Variants in CSMD1 observed in about 807,000 individuals in gnomAD.
The protein encoded by CSMD1 is CUB and Sushi multiple domains 1.
Under a neutral mutation model 417.5 loss-of-function variants are expected in CSMD1, and 213 were observed. The ratio of observed to expected loss-of-function variants is 0.51; its 90% CI spans 0.46 to 0.57. The LOEUF (loss-of-function observed/expected upper bound fraction) is 0.57. Ranked by LOEUF, CSMD1 falls within the 20% of genes least tolerant of loss-of-function variation. The probability of loss-of-function intolerance (pLI) is 0.00; values close to 1 mark genes in which losing one functional copy is unlikely to be tolerated. For missense variants in CSMD1, 6,923 were observed against 4,529.7 expected, an observed-to-expected ratio of 1.53 and a Z score of -15.17; for synonymous variants, 2,862 against 1,736.8, an observed-to-expected ratio of 1.65 and a Z score of -16.11.
intron 1 of CSMD1, among the ~76,000 whole-genome samples, chr8:4,873,850 T>C (rs1802879425): frequency 6.6e-6 from 1 of 152,062 alleles, no homozygotes; most frequent in African/African-American, 2.4e-5. Flanking sequence ...TATATAAAGG[T>C]GATTAGATGA....
chr8:4,927,698 G>C (rs141620865), intron 1 of CSMD1, among the ~76,000 whole-genome samples: 1 of 152,190 alleles, frequency 6.6e-6, no homozygotes, highest in Non-Finnish European at 1.5e-5. Context: ...GGCTAAGGGA[G>C]TAGATATGTC....
At chr8:3,333,069 C>A (rs1311273637) in intron 23 of CSMD1, among the ~76,000 whole-genome samples, 2 of 152,206 alleles carry the variant, frequency 1.3e-5, no homozygotes, top group Non-Finnish European at 2.9e-5. Context: ...GAGAAGACCA[C>A]AGCCACGTGG....
chr8:4,035,300 T>C (rs1018141912), intron 3 of CSMD1, among the ~76,000 whole-genome samples: 3 of 152,206 alleles, frequency 2.0e-5, no homozygotes, highest in South Asian at 2.1e-4. Flanking sequence ...GTTCACTGCA[T>C]ATGCTTGATG....
At chr8:3,749,141 G>A (rs1043935058) in intron 6 of CSMD1, among the ~76,000 whole-genome samples, 18 of 152,198 alleles carry the variant, frequency 1.2e-4, no homozygotes, top group African/African-American at 3.6e-4. Context: ...CACTGAAAAC[G>A]TCTAGATGAT....
intron 5 of CSMD1, among the ~76,000 whole-genome samples, chr8:3,780,204 T>A (rs1031296991): frequency 6.6e-6 from 1 of 152,192 alleles, no homozygotes; most frequent in African/African-American, 2.4e-5. Flanking sequence ...ATCCTTTATC[T>A]CCCTCTGTAA....
At chr8:3,510,012 T>G (rs561449888) in intron 10 of CSMD1, among the ~76,000 whole-genome samples, 66 of 152,330 alleles carry the variant, frequency 4.3e-4, no homozygotes, top group Non-Finnish European at 9.1e-4. Context: ...AATTGACGTA[T>G]ACAAGTCGCG....
chr8:3,505,332 A>G (rs1053251412), intron 10 of CSMD1, among the ~76,000 whole-genome samples: 1 of 152,238 alleles, frequency 6.6e-6, no homozygotes, highest in African/African-American at 2.4e-5. Flanking sequence ...TGAAGGAGCA[A>G]AAGATGAAAA....
intron 1 of CSMD1, among the ~76,000 whole-genome samples, chr8:4,836,905 T>C (rs1025516289): frequency 6.6e-6 from 1 of 152,118 alleles, no homozygotes; most frequent in Non-Finnish European, 1.5e-5. Flanking sequence ...GAGGCTATGG[T>C]TGCTGCTGTG....
At chr8:3,648,281 T>C (rs925478419) in intron 7 of CSMD1, among the ~76,000 whole-genome samples, 1 of 152,262 alleles carries the variant, frequency 6.6e-6, no homozygotes, top group Non-Finnish European at 1.5e-5. Flanking sequence ...TCTAGAGTAA[T>C]ATATTTCAAA....
chr8:4,303,258 A>T (rs1487369106), intron 3 of CSMD1, among the ~76,000 whole-genome samples: 1 of 152,152 alleles, frequency 6.6e-6, no homozygotes, highest in Non-Finnish European at 1.5e-5. Context: ...CTCTCATGAA[A>T]TATAAAAGAA....
chr8:3,758,411 C>G (rs575436875), intron 5 of CSMD1, among the ~76,000 whole-genome samples: 1 of 152,162 alleles, frequency 6.6e-6, no homozygotes, highest in Non-Finnish European at 1.5e-5. Context: ...TTGCGTTAAA[C>G]AAATGTTCAT....
At chr8:3,500,146 G>A (rs1219793117) in intron 10 of CSMD1, among the ~76,000 whole-genome samples, 1 of 152,064 alleles carries the variant, frequency 6.6e-6, no homozygotes, top group African/African-American at 2.4e-5. Context: ...TCATCTTTAT[G>A]CTGCCATCTT....
At chr8:4,264,809 G>C (rs991694410) in intron 3 of CSMD1, among the ~76,000 whole-genome samples, 1 of 152,118 alleles carries the variant, frequency 6.6e-6, no homozygotes, top group Admixed American at 6.5e-5. Context: ...AATTCTTCTT[G>C]TTGTGCCTCA....
intron 3 of CSMD1, among the ~76,000 whole-genome samples, chr8:4,106,943 TCA>T (rs1478108004): frequency 1.3e-5 from 2 of 152,204 alleles, no homozygotes; most frequent in Non-Finnish European, 2.9e-5. Context: ...GTTGTGGTTC[TCA>T]GTTTCACAGG....
chr8:3,823,301 G>A (rs1424441707), intron 5 of CSMD1, among the ~76,000 whole-genome samples: 1 of 152,132 alleles, frequency 6.6e-6, no homozygotes, highest in African/African-American at 2.4e-5. Context: ...GCTTCCTCCT[G>A]CAAACCATCT....
chr8:4,185,766 C>A (rs545329433), intron 3 of CSMD1, among the ~76,000 whole-genome samples: 1 of 152,136 alleles, frequency 6.6e-6, no homozygotes, highest in East Asian at 1.9e-4. Context: ...GATAAAATAT[C>A]CCCTACCAGT....
chr8:3,864,208 A>C (rs1804921893), intron 5 of CSMD1, among the ~76,000 whole-genome samples: 2 of 152,226 alleles, frequency 1.3e-5, no homozygotes, highest in Non-Finnish European at 2.9e-5. Context: ...AATAATTCAG[A>C]AATACTCCTT....
At chr8:4,760,458 T>C (rs1158076785) in intron 1 of CSMD1, among the ~76,000 whole-genome samples, 1 of 152,198 alleles carries the variant, frequency 6.6e-6, no homozygotes, top group Non-Finnish European at 1.5e-5. Flanking sequence ...AAATGCCTAA[T>C]ATGCTACTGA....
chr8:3,766,280 T>C (rs1009743154), intron 5 of CSMD1, among the ~76,000 whole-genome samples: 4 of 152,198 alleles, frequency 2.6e-5, no homozygotes, highest in Admixed American at 1.3e-4. Context: ...GGCCTTTCAA[T>C]GTGGGAGGAC....
Sources: gnomAD v4.1 joint callset for allele counts (sites outside exome capture counted in the v4.1 genomes callset) on GRCh38, gnomAD v4.1.1 for gene constraint, MANE v1.5 for transcripts, NCBI Gene and HGNC (gene_info 2026-07-23, HGNC 2026-07-21) for gene names.